The following SMURF2 variants were observed in gnomAD, a reference collection of about 807,000 sequenced individuals.
The protein encoded by SMURF2 is SMAD specific E3 ubiquitin protein ligase 2.
A neutral mutation model predicts 109.6 loss-of-function variants in SMURF2; 48 were observed. That is an observed-to-expected ratio of 0.44 (90% CI 0.35 to 0.56). The LOEUF (loss-of-function observed/expected upper bound fraction) is 0.56. SMURF2 is among the 20% of genes least tolerant of loss of function. SMURF2 has a pLI of 0.01. For synonymous variants in SMURF2, 288 were observed against 317.1 expected (o/e 0.91, Z 0.97); for missense variants, 575 against 909.0 (o/e 0.63, Z 4.72).
intron 1 of SMURF2, among the ~76,000 whole-genome samples, chr17:64,641,658 T>C (rs555243862): frequency 8.9e-4 from 135 of 152,274 alleles, no homozygotes; most frequent in African/African-American, 3.2e-3. Flanking sequence ...CCAGCCCATG[T>C]AGACAGACCA....
At chr17:64,613,852 A>T (rs536510329) in intron 1 of SMURF2, among the ~76,000 whole-genome samples, 1 of 151,786 alleles carries the variant, frequency 6.6e-6, no homozygotes, top group Non-Finnish European at 1.5e-5. Flanking sequence ...ATATAATAGA[A>T]TAATTATACA....
chr17:64,611,428 T>C (rs1555689573), intron 1 of SMURF2, among the ~76,000 whole-genome samples: 1 of 151,908 alleles, frequency 6.6e-6, no homozygotes. Flanking sequence ...AAATATGCGT[T>C]CCCCCCAAAA....
rs59188589 is a variant in SMURF2, at chr17:64,545,733, A to AG, written c.*114dup. The AG allele has an allele frequency of 0.015, 1,160 of 79,390 alleles. 1 individual carries two copies. Among genetic ancestry groups the AG allele is most frequent in the Non-Finnish European group, 0.023 (972 of 42,856 alleles). 4.9% of individuals were successfully genotyped at this position (79,390 alleles called of 1,614,324 possible). On this transcript the variant is annotated 3_prime_UTR_variant, in exon 19 of 19. Transcript: ENST00000262435. The stretch of plus-strand genomic sequence containing the variant: ...CTAAAATGTAAAAAAAAAAAAAAAA[A>AG]GGGGGGGGGGGGGAGTGTTTTCCTG...
chr17:64,594,966 G>C (rs1250501132), intron 3 of SMURF2, among the ~76,000 whole-genome samples: 2 of 151,902 alleles, frequency 1.3e-5, no homozygotes, highest in Non-Finnish European at 2.9e-5. Flanking sequence ...CTCCAGCCTG[G>C]GCAACAAGAG....
At chr17:64,578,173 T>C (rs1046211745) in intron 9 of SMURF2, among the ~76,000 whole-genome samples, 2 of 151,854 alleles carry the variant, frequency 1.3e-5, no homozygotes, top group Non-Finnish European at 2.9e-5. Context: ...TTCGATCTCT[T>C]GACCTCATGA....
chr17:64,596,451 G>C (rs1217442742), intron 3 of SMURF2, among the ~76,000 whole-genome samples: 6 of 151,906 alleles, frequency 3.9e-5, no homozygotes, highest in African/African-American at 1.5e-4. Context: ...TCACCTAGAA[G>C]CCTATATTCA....
chr17:64,556,099 T>TA (rs1179899275), intron 13 of SMURF2, 101 bp from the exon 14 acceptor site: 1 of 876,574 alleles, frequency 1.1e-6, no homozygotes, highest in African/African-American at 1.7e-5. Flanking sequence ...AGAATAAGCA[T>TA]AAAATTTTTA....
intron 7 of SMURF2, among the ~76,000 whole-genome samples, chr17:64,582,582 TTTTTA>T (rs138605340): frequency 0.027 from 4,176 of 152,206 alleles, 126 homozygotes; most frequent in African/African-American, 0.069. Flanking sequence ...ATTCATTCGA[TTTTTA>T]TTTTATTTTA....
chr17:64,621,907 AAT>A (rs1467943951), intron 1 of SMURF2, among the ~76,000 whole-genome samples: 10 of 123,826 alleles, frequency 8.1e-5, no homozygotes, highest in African/African-American at 2.1e-4. Context: ...ATAAATAAAT[AAT>A]AATAATAATA....
At chr17:64,602,460 T>C (rs1345929175) in intron 2 of SMURF2, among the ~76,000 whole-genome samples, 3 of 152,124 alleles carry the variant, frequency 2.0e-5, no homozygotes, top group Non-Finnish European at 2.9e-5. Context: ...AAAACACCAG[T>C]TCAATACCTT....
intron 2 of SMURF2, among the ~76,000 whole-genome samples, chr17:64,604,960 A>G (rs1278425824): frequency 6.6e-6 from 1 of 151,768 alleles, no homozygotes. Flanking sequence ...AAAAAAGGAA[A>G]AGTGCTCCCC....
chr17:64,546,307 G>C lies in SMURF2; in HGVS notation c.2103C>G (p.His701Gln), dbSNP rs1568168474. Residue 701 changes from histidine (H) to glutamine (Q), a missense_variant, in exon 18 of 19, where the codon CAC becomes CAG. Transcript: ENST00000262435. ...GGTTGTTAGTGCAGGCATCAATCTG[G>C]TGTATGGTAAAGAGTCTCGGGCCTG... ...GAAGPRLFTI[H>Q]QIDACTNNLP... 1 of 1,614,020 alleles carries C rather than the reference G, an allele frequency of 6.2e-7. No individual in the cohort carries two copies. Among genetic ancestry groups the C allele is most frequent in the Admixed American group, 1.7e-5 (1 of 60,014 alleles).
At chr17:64,621,485 C>T (rs917717192) in intron 1 of SMURF2, among the ~76,000 whole-genome samples, 1 of 151,936 alleles carries the variant, frequency 6.6e-6, no homozygotes, top group African/African-American at 2.4e-5. Context: ...GAGGCTGAGG[C>T]AGGAGAATCG....
At chr17:64,582,209 T>C (rs1969587389) in intron 7 of SMURF2, among the ~76,000 whole-genome samples, 1 of 152,162 alleles carries the variant, frequency 6.6e-6, no homozygotes, top group African/African-American at 2.4e-5. Flanking sequence ...CTGAGAATTA[T>C]AATGTAAAAG....
intron 1 of SMURF2, among the ~76,000 whole-genome samples, chr17:64,646,952 C>A (rs1555693023): frequency 6.6e-6 from 1 of 152,090 alleles, no homozygotes; most frequent in Non-Finnish European, 1.5e-5. Context: ...TAGAAAGCCC[C>A]CTTAGAAATA....
intron 1 of SMURF2, among the ~76,000 whole-genome samples, chr17:64,648,753 CAAACAAAAACAA>C (rs1377003997): frequency 6.6e-6 from 1 of 152,088 alleles, no homozygotes. Flanking sequence ...GACCCTGTTT[CAAACAAAAACAA>C]AAACAAAAAA....
chr17:64,570,779 TTTTG>T (rs1365920257), intron 10 of SMURF2, among the ~76,000 whole-genome samples: 3 of 152,072 alleles, frequency 2.0e-5, no homozygotes, highest in South Asian at 2.1e-4. Flanking sequence ...CTTGGGGTGT[TTTTG>T]TTTGTTTGCT....
intron 7 of SMURF2, among the ~76,000 whole-genome samples, chr17:64,582,424 A>G (rs566115504): frequency 5.9e-5 from 9 of 152,108 alleles, no homozygotes; most frequent in Non-Finnish European, 1.0e-4. Flanking sequence ...CACATAGACT[A>G]TTTGTTTTCA....
intron 1 of SMURF2, among the ~76,000 whole-genome samples, chr17:64,637,822 C>T (rs188322767): frequency 1.1e-3 from 165 of 151,586 alleles, no homozygotes; most frequent in African/African-American, 3.8e-3. Flanking sequence ...CCTTGGCCTT[C>T]CAAAGTGCTG....
Sources: gnomAD v4.1 joint callset for allele counts (sites outside exome capture counted in the v4.1 genomes callset) on GRCh38, gnomAD v4.1.1 for gene constraint, MANE v1.5 for transcripts, NCBI Gene and HGNC (gene_info 2026-07-23, HGNC 2026-07-21) for gene names.